IL2RB: variants seen among roughly 807,000 people sequenced by gnomAD.
The protein encoded by IL2RB is interleukin-2 receptor subunit beta.
A neutral mutation model predicts 44.2 loss-of-function variants in IL2RB; 17 were observed. That is an observed-to-expected ratio of 0.38 (90% confidence interval 0.26 to 0.58). IL2RB has a LOEUF of 0.58. Ranked by LOEUF, IL2RB falls within the 20% of genes least tolerant of loss-of-function variation. The pLI, the probability that IL2RB is intolerant of heterozygous loss-of-function variation, is 0.63. For missense variants in IL2RB, 624 were observed against 685.5 expected (o/e 0.91, Z 1.00); for synonymous variants, 286 against 297.9 (o/e 0.96, Z 0.41).
intron 4 of IL2RB, 54 bp downstream of exon 4, chr22:37,142,380 C>T (rs985693296): frequency 2.7e-5 from 42 of 1,529,832 alleles, no homozygotes; most frequent in South Asian, 1.2e-4. Flanking sequence ...GATCGCAGCC[C>T]GGAGCTGGGA....
intron 1 of IL2RB, among the ~76,000 whole-genome samples, chr22:37,148,100 A>G (rs1415885916): frequency 6.6e-6 from 1 of 152,212 alleles, no homozygotes; most frequent in Non-Finnish European, 1.5e-5. Flanking sequence ...AAGGAAGGTT[A>G]GGGGTAAACC....
At chr22:37,151,573 C>T (rs558668756), upstream of IL2RB, among the ~76,000 whole-genome samples, 7 of 152,242 alleles carry the variant, frequency 4.6e-5, no homozygotes, top group South Asian at 1.2e-3. Flanking sequence ...TTGATGTGAT[C>T]TCATCTATCA....
intron 9 of IL2RB, among the ~76,000 whole-genome samples, chr22:37,130,433 G>A (rs568811514): frequency 6.6e-6 from 1 of 152,348 alleles, no homozygotes; most frequent in South Asian, 2.1e-4. Flanking sequence ...TCGCACACAC[G>A]TTCCACGATC....
At chr22:37,174,744 C>T (rs9610658) in intron 1 of IL2RB, among the ~76,000 whole-genome samples, 40,940 of 152,056 alleles carry the variant, frequency 0.27, 5,986 homozygotes, top group East Asian at 0.43. Flanking sequence ...CAAGTCACAG[C>T]GATTGGCTGC....
At chr22:37,169,752 CCT>C (rs1601615901) in intron 1 of IL2RB, among the ~76,000 whole-genome samples, 1 of 152,308 alleles carries the variant, frequency 6.6e-6, no homozygotes, top group East Asian at 1.9e-4. Flanking sequence ...GGGTTCACAT[CCT>C]CCGTGAAGCC....
At chr22:37,164,744 G>A (rs1923010908) in intron 1 of IL2RB, among the ~76,000 whole-genome samples, 1 of 152,162 alleles carries the variant, frequency 6.6e-6, no homozygotes, top group South Asian at 2.1e-4. Context: ...GCTCCAGAGA[G>A]CAGAGGGCCA....
At chr22:37,130,145 G>A (rs1921354513) in intron 9 of IL2RB, among the ~76,000 whole-genome samples, 1 of 152,238 alleles carries the variant, frequency 6.6e-6, no homozygotes, top group South Asian at 2.1e-4. Context: ...GCTGAGAGAG[G>A]CAGAAAGGAT....
At chr22:37,170,454 C>T (rs1923242942) in intron 1 of IL2RB, among the ~76,000 whole-genome samples, 1 of 152,170 alleles carries the variant, frequency 6.6e-6, no homozygotes, top group Non-Finnish European at 1.5e-5. Flanking sequence ...ACTGTCCCCG[C>T]TGCCCCCAGC....
chr22:37,174,219 G>A (rs573055114), intron 1 of IL2RB, among the ~76,000 whole-genome samples: 118 of 152,292 alleles, frequency 7.7e-4, no homozygotes, highest in African/African-American at 2.6e-3. Flanking sequence ...TCCATGAAAC[G>A]GAAGGGTTCG....
At chr22:37,138,447 C>T (rs1343886865) in intron 5 of IL2RB, among the ~76,000 whole-genome samples, 1 of 152,228 alleles carries the variant, frequency 6.6e-6, no homozygotes, top group Non-Finnish European at 1.5e-5. Context: ...ACATCCAGTT[C>T]AGGCCTGACT....
chr22:37,145,201 C>G (rs1444337855), intron 1 of IL2RB, among the ~76,000 whole-genome samples: 1 of 152,188 alleles, frequency 6.6e-6, no homozygotes, highest in Non-Finnish European at 1.5e-5. Flanking sequence ...ACAGGGGAAA[C>G]TGAGGCACAG....
At chr22:37,171,047 A>C (rs897685199) in intron 1 of IL2RB, among the ~76,000 whole-genome samples, 1 of 152,008 alleles carries the variant, frequency 6.6e-6, no homozygotes, top group Admixed American at 6.6e-5. Flanking sequence ...GCAGTGGCAC[A>C]ATCTCAGCTC....
intron 5 of IL2RB, among the ~76,000 whole-genome samples, chr22:37,138,261 A>C (rs1479997058): frequency 5.9e-5 from 9 of 152,226 alleles, no homozygotes; most frequent in Admixed American, 5.9e-4. Flanking sequence ...CTCAGTTTCT[A>C]TACTTCTAAG....
chr22:37,132,117 C>T (rs1277883634), intron 9 of IL2RB, among the ~76,000 whole-genome samples: 1 of 152,132 alleles, frequency 6.6e-6, no homozygotes, highest in Non-Finnish European at 1.5e-5. Flanking sequence ...TTCTCCTCAT[C>T]TAACAGGTGG....
rs754913784 is a variant in IL2RB at position 37,139,169 on chromosome 22, C to T, written c.336G>A (p.Glu112=). ...TGGCCATCACCCTCCATCGCACCCC[C>T]TCACGGCACAGCACCCTCAGGGTGA... ...DIVTLRVLCR[E]GVRWRVMAIQ... Residue 112 remains glutamate (E), a synonymous_variant, in exon 5 of 10, where the codon GAG becomes GAA. Transcript: ENST00000216223. 8.7e-6 allele frequency: 14 copies of T among 1,614,006 alleles called. No homozygotes were observed. Among genetic ancestry groups the T allele is most frequent in the African/African-American group, 2.7e-5 (2 of 74,926 alleles).
At chr22:37,143,377 G>T in intron 3 of IL2RB, 144 bp downstream of exon 3, 2 of 605,728 alleles carry the variant, frequency 3.3e-6, no homozygotes, top group Admixed American at 5.9e-5. Flanking sequence ...CCAGGCCTGG[G>T]CCCCAACTCC....
At chr22:37,164,395 C>G (rs969356550) in intron 1 of IL2RB, among the ~76,000 whole-genome samples, 9 of 151,368 alleles carry the variant, frequency 5.9e-5, no homozygotes, top group African/African-American at 1.5e-4. Context: ...TGGTTTGAGC[C>G]CAGAGGTGCT....
rs145519771 is a variant in IL2RB, at chr22:37,173,945, C to T, written c.-34+1013G>A. On this transcript the variant is annotated intron_variant, in intron 1 of 5. Transcript: ENST00000429622. Reference sequence around the variant, plus strand: ...AGACACCCTGGCTGAGTCAGGCACCCGCATCTGACAATATGGCCAGAGAGT... The same window carrying T: ...AGACACCCTGGCTGAGTCAGGCACCTGCATCTGACAATATGGCCAGAGAGT... Among the ~76,000 whole-genome samples, 207 of 152,328 alleles carry T rather than the reference C, an allele frequency of 1.4e-3. 1 individual carries two copies. The highest frequency in any genetic ancestry group is 0.01 in the Middle Eastern group (3 of 294).
At chr22:37,157,694 C>T (rs976477621) in intron 1 of IL2RB, among the ~76,000 whole-genome samples, 6 of 152,134 alleles carry the variant, frequency 3.9e-5, no homozygotes, top group Admixed American at 1.3e-4. Flanking sequence ...CAATTCTGGC[C>T]AAGGCAGATT....
Sources: gnomAD v4.1 joint callset for allele counts (sites outside exome capture counted in the v4.1 genomes callset) on GRCh38, gnomAD v4.1.1 for gene constraint, MANE v1.5 for transcripts, NCBI Gene and HGNC (gene_info 2026-07-23, HGNC 2026-07-21) for gene names.